The following LEPR variants were observed in gnomAD, a reference collection of about 807,000 sequenced individuals.
The protein encoded by LEPR is leptin receptor, also known as OB receptor.
LEPR carries 56 observed loss-of-function variants against 114.7 expected under a neutral mutation model. The ratio of observed to expected loss-of-function variants is 0.49; its 90% confidence interval spans 0.39 to 0.61. The LOEUF (loss-of-function observed/expected upper bound fraction) is 0.61. LEPR is among the 20% of genes least tolerant of loss of function. LEPR has a pLI of 0.00. For synonymous variants in LEPR, 443 were observed against 461.4 expected (o/e 0.96, Z 0.51); for missense variants, 1,202 against 1,352.9 (o/e 0.89, Z 1.75).
chr1:65,479,526 G>A (rs1054114690), intron 2 of LEPR, among the ~76,000 whole-genome samples: 3 of 152,116 alleles, frequency 2.0e-5, no homozygotes, highest in Non-Finnish European at 4.4e-5. Flanking sequence ...AGCGTATCTG[G>A]CATATACCAG....
At chr1:65,591,078 A>AT (rs953936148) in intron 5 of LEPR, among the ~76,000 whole-genome samples, 2 of 151,680 alleles carry the variant, frequency 1.3e-5, no homozygotes, top group African/African-American at 2.4e-5. Context: ...AATCCTTCTA[A>AT]TTTTTTTTGA....
Position 65,425,308 on chromosome 1 carries a change from G to A in LEPR, c.-91G>A, listed in dbSNP as rs1266019114. Reference sequence around the variant, plus strand: ...TTTGGCTTTATTTTTCACAGCTCTCGTGGCATTATCCTTCAGTGGGGCTAT... The same window carrying A: ...TTTGGCTTTATTTTTCACAGCTCTCATGGCATTATCCTTCAGTGGGGCTAT... On this transcript the variant is annotated 5_prime_UTR_variant, in exon 2 of 20. It adds an upstream start codon to the 5' untranslated region. Transcript: ENST00000349533. 22 of 1,612,212 alleles carry A rather than the reference G, an allele frequency of 1.4e-5. No homozygotes were observed. In the Admixed American group the frequency reaches 2.4e-4, roughly 17 times the overall value.
At chr1:65,488,214 C>CTTTCTTTCTTTCTTTCTTTCTT (rs774153035) in intron 2 of LEPR, among the ~76,000 whole-genome samples, 17 of 46,786 alleles carry the variant, frequency 3.6e-4, no homozygotes, top group African/African-American at 6.4e-4. Context: ...CTTTCTTTCT[C>CTTTCTTTCTTTCTTTCTTTCTT]TCTCTCTCTC....
At chr1:65,522,463 C>T (rs1171278) in intron 2 of LEPR, among the ~76,000 whole-genome samples, 38,311 of 151,944 alleles carry the variant, frequency 0.25, 6,093 homozygotes, top group African/African-American at 0.44. Context: ...TAAGACCCAG[C>T]TTGGTAGTTA....
chr1:65,554,926 C>T (rs1028093239), intron 2 of LEPR, among the ~76,000 whole-genome samples: 2 of 152,148 alleles, frequency 1.3e-5, no homozygotes, highest in African/African-American at 4.8e-5. Flanking sequence ...CACTGTCCCT[C>T]ACGGCACAGT....
intron 2 of LEPR, among the ~76,000 whole-genome samples, chr1:65,558,538 GTTTTTTTTTTGTTTT>G (rs1204788126): frequency 6.6e-4 from 6 of 9,126 alleles, no homozygotes; most frequent in Non-Finnish European, 9.0e-4. Context: ...TTTTTTTTTT[GTTTTTTTTTTGTTTT>G]TTTTTTTTTT....
intron 2 of LEPR, chr1:65,434,220 C>T (rs1053592689): frequency 1.0e-6 from 1 of 978,916 alleles, no homozygotes; most frequent in Non-Finnish European, 1.2e-6. Flanking sequence ...ATCATTTAAA[C>T]AGTAAATATT....
chr1:65,460,225 C>G (rs185013347), intron 2 of LEPR, among the ~76,000 whole-genome samples: 109 of 152,190 alleles, frequency 7.2e-4, no homozygotes, highest in African/African-American at 2.5e-3. Context: ...TGTTTTATAG[C>G]TGAGGACTGA....
intron 2 of LEPR, among the ~76,000 whole-genome samples, chr1:65,498,313 C>T (rs1336810481): frequency 4.6e-5 from 7 of 152,116 alleles, no homozygotes; most frequent in African/African-American, 1.4e-4. Context: ...GAAGGTCCCC[C>T]ACTGGCTAAA....
intron 2 of LEPR, among the ~76,000 whole-genome samples, chr1:65,506,371 A>C (rs1355659939): frequency 3.9e-5 from 6 of 152,228 alleles, no homozygotes; most frequent in Non-Finnish European, 8.8e-5. Context: ...TTTACAGCAC[A>C]CTATGTTTTG....
chr1:65,459,716 A>G (rs1486236393), intron 2 of LEPR, among the ~76,000 whole-genome samples: 1 of 152,208 alleles, frequency 6.6e-6, no homozygotes, highest in East Asian at 1.9e-4. Flanking sequence ...CCCATTACAC[A>G]TAGGATATAT....
chr1:65,556,868 T>C (rs573705587), intron 2 of LEPR, among the ~76,000 whole-genome samples: 1 of 152,250 alleles, frequency 6.6e-6, no homozygotes, highest in Non-Finnish European at 1.5e-5. Context: ...GCTGTAGTGC[T>C]TTGAGAAAGA....
At chr1:65,587,593 T>C (rs1229145666) in intron 5 of LEPR, among the ~76,000 whole-genome samples, 2 of 152,056 alleles carry the variant, frequency 1.3e-5, no homozygotes, top group Non-Finnish European at 2.9e-5. Context: ...TACTTGTCCA[T>C]GATCCTATGG....
chr1:65,604,670 C>A (rs1656692589), intron 10 of LEPR, among the ~76,000 whole-genome samples: 1 of 152,216 alleles, frequency 6.6e-6, no homozygotes, highest in Non-Finnish European at 1.5e-5. Context: ...CGGACCGGTA[C>A]CTGTCTGTGG....
At chr1:65,544,515 G>C (rs1273250403) in intron 2 of LEPR, among the ~76,000 whole-genome samples, 1 of 151,890 alleles carries the variant, frequency 6.6e-6, no homozygotes, top group Non-Finnish European at 1.5e-5. Context: ...TTCTTGTCTT[G>C]TGCCAGTTTT....
intron 2 of LEPR, among the ~76,000 whole-genome samples, chr1:65,552,814 T>C (rs1231168943): frequency 1.3e-5 from 2 of 152,216 alleles, no homozygotes; most frequent in Admixed American, 1.3e-4. Context: ...ATAGTGTTGA[T>C]GGTCTTTACT....
At chr1:65,622,479 C>T (rs555552715) in intron 18 of LEPR, among the ~76,000 whole-genome samples, 1 of 152,144 alleles carries the variant, frequency 6.6e-6, no homozygotes, top group South Asian at 2.1e-4. Context: ...TTTACACATG[C>T]CAAATCTCTG....
At chr1:65,451,970 G>C (rs1311492901) in intron 2 of LEPR, among the ~76,000 whole-genome samples, 1 of 151,098 alleles carries the variant, frequency 6.6e-6, no homozygotes, top group Non-Finnish European at 1.5e-5. Flanking sequence ...GTGGTTTGTA[G>C]TTCTCCTTGA....
At position 65,432,591 on chromosome 1, in the gene LEPR, G is replaced by A. The variant is rs1191638178; in HGVS notation, c.-21+7213G>A. ...TAAAAAAAAAAAAAAAGTCTCACCT[G>A]CTTTCATGCTGAGGACAAGTTCAGA... On this transcript the variant is annotated intron_variant, in intron 2 of 19. Transcript: ENST00000349533. 7 of 978,674 alleles carry A rather than the reference G, an allele frequency of 7.2e-6. No homozygotes were observed. The African/African-American group carries it at 1.2e-4, about 17-fold the overall frequency. The allele number at this position is 978,674 out of a possible 1,614,324, so 60.6% of individuals were successfully genotyped here.
Sources: gnomAD v4.1 joint callset for allele counts (sites outside exome capture counted in the v4.1 genomes callset) on GRCh38, gnomAD v4.1.1 for gene constraint, MANE v1.5 for transcripts, NCBI Gene and HGNC (gene_info 2026-07-23, HGNC 2026-07-21) for gene names.